FLNB: variants seen among roughly 807,000 people sequenced by gnomAD.
FLNB encodes the protein filamin B.
A neutral mutation model predicts 250.6 loss-of-function variants in FLNB; 111 were observed. That is an observed-to-expected ratio of 0.44 (90% CI 0.38 to 0.52). FLNB has a LOEUF of 0.52. Among genes scored for constraint, FLNB ranks in the 20% least tolerant of loss-of-function variants. The pLI, the probability that FLNB is intolerant of heterozygous loss-of-function variation, is 0.00. For missense variants in FLNB, 2,869 were observed against 3,447.8 expected, an observed-to-expected ratio of 0.83 and a Z score of 4.20; for synonymous variants, 1,302 against 1,372.1, an observed-to-expected ratio of 0.95 and a Z score of 1.13.
intron 9 of FLNB, 112 bp downstream of exon 9, chr3:58,102,452 G>A: frequency 7.9e-7 from 1 of 1,266,860 alleles, no homozygotes; most frequent in Admixed American, 1.7e-5. Flanking sequence ...AGAAGGCTAT[G>A]TCAAGGATTT....
In FLNB at chr3:58,138,429, G is replaced by C; in HGVS notation, c.5009G>C (p.Gly1670Ala). Residue 1670 changes from glycine (G) to alanine (A), a missense_variant, in exon 29 of 46, where the codon GGA becomes GCA. Gly to Ala is a moderately conservative substitution (Grantham distance 60). Coordinates refer to ENST00000295956, the MANE Select transcript of FLNB (RefSeq NM_001457.4). ...AEADVIENED[G>A]TYDIFYTAAK... is the part of the protein sequence containing the mutation. ...GCCGATGTCATTGAGAATGAAGATG[G>C]AACCTATGACATCTTCTACACAGCT... 1 of 1,614,208 alleles carries C rather than the reference G, an allele frequency of 6.2e-7. No individual in the cohort carries two copies.
chr3:58,028,616 CTTTTT>C (rs58801511), intron 1 of FLNB, among the ~76,000 whole-genome samples: 1 of 139,168 alleles, frequency 7.2e-6, no homozygotes, highest in African/African-American at 2.6e-5. Flanking sequence ...TTTTTCTTTT[CTTTTT>C]TTTTTTTTTG....
At chr3:58,117,230 A>G (rs1559705057) in intron 18 of FLNB, among the ~76,000 whole-genome samples, 1 of 152,186 alleles carries the variant, frequency 6.6e-6, no homozygotes, top group Non-Finnish European at 1.5e-5. Context: ...TTGGGGCCTC[A>G]GGGGACACTT....
At chr3:58,012,104 G>A (rs774810633) in intron 1 of FLNB, among the ~76,000 whole-genome samples, 3 of 151,740 alleles carry the variant, frequency 2.0e-5, no homozygotes, top group East Asian at 1.9e-4. Flanking sequence ...CCAGCTACTC[G>A]GGAGGCTGAG....
intron 11 of FLNB, among the ~76,000 whole-genome samples, chr3:58,106,257 G>T (rs2107104038): frequency 6.6e-6 from 1 of 151,760 alleles, no homozygotes; most frequent in East Asian, 1.9e-4. Flanking sequence ...TTGGTTCAAG[G>T]CTTTTGCCAC....
In FLNB at chr3:58,060,162, C is replaced by T. The variant is rs545152841; in HGVS notation, c.293-16884C>T. On this transcript the variant is annotated intron_variant, in intron 1 of 45. Transcript: ENST00000295956. Reference sequence around the variant, plus strand: ...CAAGCTCTCCTAGGGTGCAAGTGAACGGGGGCGCAAGGGAGTTAGGAAGGT... The same window carrying T: ...CAAGCTCTCCTAGGGTGCAAGTGAATGGGGGCGCAAGGGAGTTAGGAAGGT... Among the ~76,000 whole-genome samples, 7 of 152,178 alleles carry T rather than the reference C, an allele frequency of 4.6e-5. 1 individual carries two copies. In the East Asian group the frequency reaches 5.8e-4, roughly 13 times the overall value.
In FLNB at chr3:58,112,217, G is replaced by A. The variant is rs139124254; in HGVS notation, c.2644G>A (p.Val882Met). The A allele has an allele frequency of 1.3e-5, 21 of 1,613,998 alleles. No homozygotes were observed. The East Asian group carries it at 1.3e-4, about 10-fold the overall frequency. The change falls in exon 18 of 46, where the codon GTG becomes ATG. Residue 882 changes from valine (V) to methionine (M), a missense_variant. By Grantham distance (21) the Val-to-Met change is conservative. Transcript: ENST00000295956. ...TKGAGKAPLNVQFNSPLPGDA... is the reference protein window; with the variant it reads ...TKGAGKAPLNMQFNSPLPGDA... Reference sequence around the variant, plus strand: ...GGGGGCTGGGAAAGCCCCGCTCAACGTGCAGTTCAACAGCCCTCTTCCTGG... The same window carrying A: ...GGGGGCTGGGAAAGCCCCGCTCAACATGCAGTTCAACAGCCCTCTTCCTGG...
intron 23 of FLNB, 129 bp from the exon 24 acceptor site, chr3:58,126,473 G>A (rs1390581416): frequency 5.6e-5 from 43 of 774,440 alleles, no homozygotes; most frequent in Non-Finnish European, 7.7e-5. Flanking sequence ...CCCTATGTGA[G>A]AGGTGTAGTA....
intron 41 of FLNB, among the ~76,000 whole-genome samples, chr3:58,159,237 G>GT (rs2097357779): frequency 6.6e-6 from 1 of 152,116 alleles, no homozygotes; most frequent in South Asian, 2.1e-4. Flanking sequence ...AACATACTGG[G>GT]TTTTCTGGCC....
intron 4 of FLNB, among the ~76,000 whole-genome samples, chr3:58,090,835 G>T (rs2097225705): frequency 1.3e-5 from 2 of 152,286 alleles, no homozygotes; most frequent in Non-Finnish European, 1.5e-5. Flanking sequence ...ACTTTGGGAG[G>T]CCGAGGTGGG....
At chr3:58,100,373 A>AAAATATAT in intron 8 of FLNB, among the ~76,000 whole-genome samples, 4 of 104,386 alleles carry the variant, frequency 3.8e-5, no homozygotes, top group African/African-American at 9.1e-5. Context: ...GTAAAAAAAA[A>AAAATATAT]ATATATATAT....
chr3:58,015,635 C>T (rs943093856), intron 1 of FLNB, among the ~76,000 whole-genome samples: 18 of 152,152 alleles, frequency 1.2e-4, no homozygotes, highest in Non-Finnish European at 2.5e-4. Flanking sequence ...CTGCTCAAAC[C>T]TTCAGGCCCA....
In FLNB at chr3:58,134,783, G is replaced by C. The variant is rs115346578; in HGVS notation, c.4671+11G>C. On this transcript the variant is annotated intron_variant, in intron 27 of 45. Transcript: ENST00000295956. ...GCTGTTCAAATAACGGTAACTTGGA[G>C]TTATTTTCTGAGCCAAACCTTAATC... 3 of 1,613,352 alleles carry C rather than the reference G, an allele frequency of 1.9e-6. No individual in the cohort carries two copies. Among genetic ancestry groups the C allele is most frequent in the Admixed American group, 3.3e-5 (2 of 60,028 alleles).
chr3:58,020,606 T>C (rs2097112485), intron 1 of FLNB, among the ~76,000 whole-genome samples: 2 of 152,098 alleles, frequency 1.3e-5, no homozygotes, highest in African/African-American at 4.8e-5. Context: ...ATGAATTCCT[T>C]TTCTCATAGA....
chr3:58,068,680 A>G (rs760190698), intron 1 of FLNB, among the ~76,000 whole-genome samples: 4 of 152,198 alleles, frequency 2.6e-5, no homozygotes, highest in Non-Finnish European at 4.4e-5. Flanking sequence ...CTGGGCTGTC[A>G]GTGGGCACCA....
chr3:58,121,151 G>T (rs1415278719), intron 19 of FLNB, 90 bp from the exon 20 acceptor site: 6 of 1,547,108 alleles, frequency 3.9e-6, no homozygotes, highest in Non-Finnish European at 5.4e-6. Flanking sequence ...ATAAGTCCCC[G>T]TGTCCAAAGA....
chr3:58,055,069 C>T (rs543533345), intron 1 of FLNB, among the ~76,000 whole-genome samples: 2 of 152,176 alleles, frequency 1.3e-5, no homozygotes, highest in East Asian at 3.9e-4. Flanking sequence ...GAGTTCAAGA[C>T]CATCCTAGCC....
intron 8 of FLNB, among the ~76,000 whole-genome samples, chr3:58,099,497 T>C (rs1414233924): frequency 6.6e-6 from 1 of 152,234 alleles, no homozygotes; most frequent in Non-Finnish European, 1.5e-5. Context: ...CGCATTTTTC[T>C]CAAATGTTAG....
chr3:58,072,395 C>T (rs1448206568), intron 1 of FLNB, among the ~76,000 whole-genome samples: 2 of 152,198 alleles, frequency 1.3e-5, no homozygotes, highest in East Asian at 3.8e-4. Context: ...TGAAAGGCTT[C>T]CGGCTCATCT....
Sources: allele counts gnomAD v4.1 joint callset (sites outside exome capture counted in the v4.1 genomes callset), GRCh38; gene constraint gnomAD v4.1.1; transcripts MANE v1.5; gene names NCBI Gene and HGNC (gene_info 2026-07-23, HGNC 2026-07-21).